KIAA0319L: variants seen among roughly 807,000 people sequenced by gnomAD.
The protein encoded by KIAA0319L is KIAA0319 like, also known as dyslexia-associated protein KIAA0319-like protein.
KIAA0319L carries 55 observed loss-of-function variants against 120.1 expected under a neutral mutation model. The ratio of observed to expected loss-of-function variants is 0.46; its 90% CI spans 0.37 to 0.57. KIAA0319L has a LOEUF of 0.57. Among genes scored for constraint, KIAA0319L ranks in the 20% least tolerant of loss-of-function variants. The pLI is 0.00. For missense variants in KIAA0319L, 1,049 were observed against 1,255.3 expected (o/e 0.84, Z 2.48); for synonymous variants, 398 against 471.9 (o/e 0.84, Z 2.03).
rs192969456 is a variant in KIAA0319L at position 35,509,166 on chromosome 1, C to T, written c.143-2031G>A. On this transcript the variant is annotated intron_variant, in intron 2 of 20. Transcript: ENST00000325722. ...CAGGGCAGTTGCTAAATTGAGGAGA[C>T]GGAGTTCAGGGTGACTGGTAGTTAG... Among the ~76,000 whole-genome samples the T allele has an allele frequency of 3.7e-4, 57 of 152,044 alleles. 1 individual carries two copies. Among genetic ancestry groups the T allele is most frequent in the Admixed American group, 2.6e-4 (4 of 15,270 alleles).
At chr1:35,517,544 C>A (rs1278218197) in intron 2 of KIAA0319L, among the ~76,000 whole-genome samples, 1 of 152,146 alleles carries the variant, frequency 6.6e-6, no homozygotes, top group East Asian at 1.9e-4. Context: ...CTTCCTTATA[C>A]CATATACAAA....
chr1:35,513,189 GC>G (rs1483781643), intron 2 of KIAA0319L, among the ~76,000 whole-genome samples: 1 of 147,650 alleles, frequency 6.8e-6, no homozygotes, highest in East Asian at 2.0e-4. Flanking sequence ...ACTGAGTAGA[GC>G]TTAAATTTAG....
At chr1:35,515,311 TCAA>T (rs1645636165) in intron 2 of KIAA0319L, among the ~76,000 whole-genome samples, 1 of 106,804 alleles carries the variant, frequency 9.4e-6, no homozygotes, top group Non-Finnish European at 1.9e-5. Context: ...AAACTCCATC[TCAA>T]AAAAAAAAAA....
rs530351779 is a variant in KIAA0319L, at chr1:35,435,551, T to C, written c.2963-470A>G. The C allele has an allele frequency of 6.4e-5, 10 of 156,672 alleles. No homozygotes were observed. The South Asian group carries it at 1.9e-3, about 30-fold the overall frequency. 9.7% of individuals were successfully genotyped at this position (156,672 alleles called of 1,614,324 possible). On this transcript the variant is annotated intron_variant, in intron 20 of 20. Transcript: ENST00000325722. ...CAGGAGTGTGCAGTTTCAGTCCATG[T>C]AGACATTTGCTCTGTGGGCTCTTGT... is the stretch of plus-strand genomic sequence containing the variant.
Position 35,468,151 on chromosome 1 carries a change from T to C in KIAA0319L, c.1114-1456A>G, listed in dbSNP as rs186786531. ...ACATCTTCCAGGCAAATGTTTTTTT[T>C]TTTCTTTCTTTCTTTCTTTTGAAGT... is the stretch of plus-strand genomic sequence containing the variant. On this transcript the variant is annotated intron_variant, in intron 6 of 20. Coordinates refer to ENST00000325722, the MANE Select transcript of KIAA0319L (RefSeq NM_024874.5). Among the ~76,000 whole-genome samples, 1,459 of 152,260 alleles carry C rather than the reference T, an allele frequency of 9.6e-3. 14 individuals are homozygous for C. Among genetic ancestry groups the C allele is most frequent in the Non-Finnish European group, 0.015 (1,036 of 68,002 alleles).
chr1:35,496,947 C>CAAA (rs754043280), intron 3 of KIAA0319L, among the ~76,000 whole-genome samples: 38 of 49,946 alleles, frequency 7.6e-4, no homozygotes, highest in South Asian at 1.5e-3. Flanking sequence ...ATTGTGTCTC[C>CAAA]AAAAAAAAAA....
chr1:35,450,333 G>A (rs764304461), intron 14 of KIAA0319L, 25 bp downstream of exon 14: 35 of 1,603,614 alleles, frequency 2.2e-5, no homozygotes, highest in Admixed American at 5.1e-5. Context: ...CTCCTGTGTA[G>A]CTCTCCAGCT....
At chr1:35,467,167 G>C (rs1192831787) in intron 6 of KIAA0319L, among the ~76,000 whole-genome samples, 2 of 151,868 alleles carry the variant, frequency 1.3e-5, no homozygotes, top group Admixed American at 1.3e-4. Flanking sequence ...CAACAGAAGG[G>C]ATTTCAAATA....
At chr1:35,516,201 G>C (rs1397087160) in intron 2 of KIAA0319L, among the ~76,000 whole-genome samples, 1 of 152,134 alleles carries the variant, frequency 6.6e-6, no homozygotes, top group African/African-American at 2.4e-5. Flanking sequence ...CTCAATCCAT[G>C]AGGCCAGCAT....
intron 15 of KIAA0319L, among the ~76,000 whole-genome samples, chr1:35,449,546 A>T (rs1280503659): frequency 6.6e-6 from 1 of 152,174 alleles, no homozygotes; most frequent in African/African-American, 2.4e-5. Flanking sequence ...ATCAGTCACG[A>T]GGAGAGGAGA....
intron 9 of KIAA0319L, among the ~76,000 whole-genome samples, chr1:35,459,510 C>T (rs185722898): frequency 4.0e-5 from 6 of 151,442 alleles, no homozygotes; most frequent in African/African-American, 9.7e-5. Flanking sequence ...GGCAGGAGAA[C>T]GGCATGAATC....
At chr1:35,442,420 G>C (rs1641294850) in intron 18 of KIAA0319L, 84 bp from the exon 19 acceptor site, 2 of 1,023,658 alleles carry the variant, frequency 2.0e-6, no homozygotes, top group Admixed American at 3.4e-5. Flanking sequence ...GGGCAGGTGT[G>C]GCTTCACTCT....
intron 3 of KIAA0319L, among the ~76,000 whole-genome samples, chr1:35,482,479 G>T (rs1644215598): frequency 6.7e-6 from 1 of 150,322 alleles, no homozygotes; most frequent in Non-Finnish European, 1.5e-5. Flanking sequence ...GCCCAGGCTG[G>T]AGTGCAATGG....
intron 7 of KIAA0319L, 46 bp from the exon 8 acceptor site, chr1:35,462,759 A>G: frequency 7.1e-7 from 1 of 1,399,566 alleles, no homozygotes; most frequent in Non-Finnish European, 1.0e-6. Context: ...GGCTTCAGAA[A>G]TTACAGGAGC....
At chr1:35,533,405 AGC>A (rs1198631148) in intron 2 of KIAA0319L, 1 of 152,212 alleles carries the variant, frequency 6.6e-6, no homozygotes, top group East Asian at 1.9e-4. Context: ...AGAAAAAAAA[AGC>A]AGTTGATAAA....
chr1:35,554,912 G>C (rs1647714375), intron 1 of KIAA0319L: 1 of 154,606 alleles, frequency 6.5e-6, no homozygotes, highest in Admixed American at 6.4e-5. Context: ...TTGAGGAGAA[G>C]AGGTTGCACC....
intron 16 of KIAA0319L, among the ~76,000 whole-genome samples, chr1:35,446,808 C>A (rs141584869): frequency 5.3e-5 from 8 of 152,310 alleles, no homozygotes; most frequent in African/African-American, 1.9e-4. Context: ...GAGACTCACC[C>A]GTTCTCATGG....
At chr1:35,459,762 A>G (rs1247278021) in intron 9 of KIAA0319L, among the ~76,000 whole-genome samples, 1 of 152,198 alleles carries the variant, frequency 6.6e-6, no homozygotes, top group African/African-American at 2.4e-5. Context: ...TTACGCAAAC[A>G]TAAGGAGGAT....
chr1:35,510,075 G>C (rs554277054), intron 2 of KIAA0319L: 2 of 152,250 alleles, frequency 1.3e-5, no homozygotes, highest in Non-Finnish European at 2.9e-5. Context: ...GAGATGCGGT[G>C]CTATAAATGA....
Sources: allele counts gnomAD v4.1 joint callset (sites outside exome capture counted in the v4.1 genomes callset), GRCh38; gene constraint gnomAD v4.1.1; transcripts MANE v1.5; gene names NCBI Gene and HGNC (gene_info 2026-07-23, HGNC 2026-07-21).